CP: variants seen among roughly 807,000 people sequenced by gnomAD.
The protein encoded by CP is caeruloplasmin.
A neutral mutation model predicts 122.4 loss-of-function variants in CP; 64 were observed. The ratio of observed to expected loss-of-function variants is 0.52; its 90% confidence interval spans 0.43 to 0.64. The LOEUF (loss-of-function observed/expected upper bound fraction) is 0.64. Among genes scored for constraint, CP ranks in the 30% least tolerant of loss-of-function variants. CP has a pLI of 0.00. For missense variants in CP, 1,167 were observed against 1,284.4 expected (o/e 0.91, Z 1.40); for synonymous variants, 440 against 436.4 (o/e 1.01, Z -0.10).
At position 149,177,872 on chromosome 3, in the gene CP, C is replaced by T. The variant is rs765538550; in HGVS notation, c.2986G>A (p.Val996Ile). Residue 996 changes from valine to isoleucine, a missense_variant, in exon 17 of 19, where the codon GTA becomes ATA. Val to Ile is a conservative substitution (Grantham distance 29). This residue lies in a region of CP where 525 missense variants were observed against 657.2 expected (regional missense o/e 0.80). Transcript: ENST00000264613. ...GMGNEIDLHTVHFHGHSFQYK... is the reference protein window; with the variant it reads ...GMGNEIDLHTIHFHGHSFQYK... ...TGGAAGCTATGGCCGTGAAAATGTA[C>T]AGTGTGTAAGTCTATTTCATTGCCC... is the stretch of plus-strand genomic sequence containing the variant. The T allele has an allele frequency of 3.2e-5, 52 of 1,613,620 alleles. No individual in the cohort carries two copies. The highest frequency in any genetic ancestry group is 4.2e-5 in the Non-Finnish European group (50 of 1,179,692).
intron 12 of CP, among the ~76,000 whole-genome samples, chr3:149,184,613 A>G (rs2108233826): frequency 6.6e-6 from 1 of 152,272 alleles, no homozygotes; most frequent in South Asian, 2.1e-4. Context: ...GCTAACTAGA[A>G]GTGATGAGAG....
chr3:149,204,225 C>T (rs1172482014), intron 6 of CP, among the ~76,000 whole-genome samples: 2 of 152,146 alleles, frequency 1.3e-5, no homozygotes, highest in African/African-American at 4.8e-5. Flanking sequence ...AAGATTTAAG[C>T]ATTCAGGATT....
rs374461674 is a variant in CP at position 149,197,776 on chromosome 3, A to G, written c.1713+591T>C. 6.3e-4 allele frequency among the ~76,000 whole-genome samples: 96 copies of G among 152,234 alleles called. 1 individual carries two copies. The highest frequency in any genetic ancestry group is 2.3e-3 in the African/African-American group (94 of 41,528). ...CCTCACATGCACAGTTCACAATAGG[A>G]TTTGCGCTCGTATGAGAATCTGTTG... On this transcript the variant is annotated intron_variant, in intron 9 of 18. Coordinates refer to ENST00000264613, the MANE Select transcript of CP (RefSeq NM_000096.4).
chr3:149,210,166 CCT>C lies in CP; in HGVS notation c.606_607del (p.Asp203PhefsTer4). 5.0e-6 allele frequency: 8 copies of C among 1,613,784 alleles called. No homozygotes were observed. The highest frequency in any genetic ancestry group is 6.8e-6 in the Non-Finnish European group (8 of 1,179,774). The stretch of plus-strand genomic sequence containing the variant: ...GCATGTGCAATAAGGAGAAGATGTA[CCT>C]TTTTTACAGATTATTAAAGGTCCGA... On this transcript the variant is annotated frameshift_variant and splice_region_variant, in exon 3 of 19. Transcript: ENST00000264613. LOFTEE classifies it high-confidence loss of function.
chr3:149,178,700 C>T, intron 15 of CP, 69 bp from the exon 16 acceptor site: 1 of 1,139,432 alleles, frequency 8.8e-7, no homozygotes, highest in Non-Finnish European at 1.3e-6. Context: ...TGAGACTTTG[C>T]ACCCAGGGCC....
chr3:149,179,581 T>A lies in CP; in HGVS notation c.2636A>T (p.Tyr879Phe), dbSNP rs774060244. Residue 879 changes from tyrosine to phenylalanine, a missense_variant, in exon 15 of 19, where the codon TAT becomes TTT. This residue lies in a region of CP where 525 missense variants were observed against 657.2 expected (regional missense o/e 0.80). Transcript: ENST00000264613. ...TEDSACIPWA[Y>F]YSTVDQVKDL... The stretch of plus-strand genomic sequence containing the variant: ...CTTAACTTGATCCACAGTTGAATAA[T>A]AAGCCCATGGAATACAAGCAGAATC... The A allele has an allele frequency of 1.2e-6, 2 of 1,613,610 alleles. No homozygotes were observed. Among genetic ancestry groups the A allele is most frequent in the Non-Finnish European group, 1.7e-6 (2 of 1,179,732 alleles).
At chr3:149,171,321 G>C (rs1724968608), downstream of CP, among the ~76,000 whole-genome samples, 1 of 152,122 alleles carries the variant, frequency 6.6e-6, no homozygotes, top group Non-Finnish European at 1.5e-5. Context: ...TTGCAGTTTG[G>C]GGGAAAAGGA....
chr3:149,213,446 G>A (rs779232263), intron 1 of CP, among the ~76,000 whole-genome samples: 147 of 152,310 alleles, frequency 9.7e-4, no homozygotes, highest in Non-Finnish European at 1.7e-3. Flanking sequence ...TGGAAAGAAA[G>A]TAAATTTGGT....
At chr3:149,185,202 T>C in intron 12 of CP, 37 bp downstream of exon 12, 1 of 1,606,870 alleles carries the variant, frequency 6.2e-7, no homozygotes. Context: ...AACCTAAAAT[T>C]ACTGCTGAAA....
At chr3:149,185,164 G>A (rs1726072926) in intron 12 of CP, 75 bp downstream of exon 12, 1 of 1,339,100 alleles carries the variant, frequency 7.5e-7, no homozygotes, top group Non-Finnish European at 1.0e-6. Flanking sequence ...TCTAAAATTT[G>A]GTGTAATTCT....
chr3:149,189,175 A>C (rs944042749), intron 9 of CP, among the ~76,000 whole-genome samples: 1 of 152,210 alleles, frequency 6.6e-6, no homozygotes, highest in Non-Finnish European at 1.5e-5. Flanking sequence ...ATTCAGATTC[A>C]AAAGCTTCCT....
In CP at chr3:149,185,512, T is replaced by C. The variant is rs548052791; in HGVS notation, c.2078-66A>G. ...TGCCCTCTGGGGCTCTCCACCTTCCTCAGAATTAATGCTGAAGTCCTTATC... is the reference window on the plus strand; with the variant it reads ...TGCCCTCTGGGGCTCTCCACCTTCCCCAGAATTAATGCTGAAGTCCTTATC... On this transcript the variant is annotated intron_variant, in intron 11 of 18. Transcript: ENST00000264613. 18 of 1,450,942 alleles carry C rather than the reference T, an allele frequency of 1.2e-5. No homozygotes were observed. In the African/African-American group the frequency reaches 2.2e-4, roughly 18 times the overall value. 89.9% of individuals were successfully genotyped at this position (1,450,942 alleles called of 1,614,324 possible).
chr3:149,172,041 G>A, downstream of CP: 3 of 1,581,554 alleles, frequency 1.9e-6, no homozygotes, highest in Non-Finnish European at 2.6e-6. Context: ...AGTAAGAAGA[G>A]ATTGAATGAA....
chr3:149,194,088 A>G (rs1726725035), intron 9 of CP, among the ~76,000 whole-genome samples: 1 of 152,188 alleles, frequency 6.6e-6, no homozygotes, highest in South Asian at 2.1e-4. Context: ...AAGGTCAAAT[A>G]AGGTAACATG....
exon 6 of CP, chr3:149,162,727 T>C (rs1259759316): frequency 6.2e-7 from 1 of 1,614,086 alleles, no homozygotes; most frequent in Admixed American, 1.7e-5. Context: ...ATTCCTCAGC[T>C]CTTGGTAGAC....
rs771662340 is a variant in CP, at chr3:149,179,710, G to C, written c.2555-48C>G. 6.1e-6 allele frequency: 4 copies of C among 651,466 alleles called. No individual in the cohort carries two copies. In the African/African-American group the frequency reaches 9.4e-5, roughly 15 times the overall value. 40.4% of individuals were successfully genotyped at this position (651,466 alleles called of 1,614,324 possible). On this transcript the variant is annotated intron_variant, in intron 14 of 18. Coordinates refer to ENST00000264613, the MANE Select transcript of CP (RefSeq NM_000096.4). ...GATCTGGTTGTATTTGGTTTATATTGTACACACACACACACACACACACAC... is the reference window on the plus strand; with the variant it reads ...GATCTGGTTGTATTTGGTTTATATTCTACACACACACACACACACACACAC...
At chr3:149,201,505 C>T (rs1027859041) in intron 7 of CP, among the ~76,000 whole-genome samples, 1 of 152,176 alleles carries the variant, frequency 6.6e-6, no homozygotes, top group African/African-American at 2.4e-5. Flanking sequence ...AACCAAGTCA[C>T]ATAAACACAC....
In CP at chr3:149,212,663, T is replaced by A; in HGVS notation, c.182A>T (p.Asp61Val). ...CTTCTTATATAGTCTCCCAATTCTA[T>A]CTGGGCCATTTTGAAGATAGATATT... ...HSNIYLQNGP[D>V]RIGRLYKKAL... Residue 61 changes from aspartate (D) to valine (V), a missense_variant, in exon 2 of 19, where the codon GAT becomes GTT. Asp to Val is a radical substitution (Grantham distance 152). Coordinates refer to ENST00000264613, the MANE Select transcript of CP (RefSeq NM_000096.4). The A allele has an allele frequency of 6.2e-7, 1 of 1,613,846 alleles. No individual in the cohort carries two copies. The highest frequency in any genetic ancestry group is 1.1e-5 in the South Asian group (1 of 91,008).
chr3:149,172,355 C>CAT (rs1553756781), downstream of CP: 9 of 619,166 alleles, frequency 1.5e-5, no homozygotes, highest in East Asian at 6.3e-5. Context: ...CACACACACA[C>CAT]ATATATGATA....
Sources: gnomAD v4.1 joint callset for allele counts (sites outside exome capture counted in the v4.1 genomes callset) on GRCh38, gnomAD v4.1.1 for gene constraint, gnomAD v4.1.1 regional missense constraint, MANE v1.5 for transcripts, NCBI Gene and HGNC (gene_info 2026-07-23, HGNC 2026-07-21) for gene names.